The following COL9A1 variants were observed in gnomAD, a reference collection of about 807,000 sequenced individuals.
The protein encoded by COL9A1 is collagen type IX alpha 1 chain.
In COL9A1, 104 loss-of-function variants were observed where a neutral mutation model predicts 142.6. The ratio of observed to expected loss-of-function variants is 0.73; its 90% confidence interval spans 0.62 to 0.86. COL9A1 has a LOEUF of 0.86. Among genes scored for constraint, COL9A1 ranks in the 40% least tolerant of loss-of-function variants. The pLI is 0.00. For synonymous variants in COL9A1, 466 were observed against 396.0 expected, an observed-to-expected ratio of 1.18 and a Z score of -2.10; for missense variants, 1,210 against 1,176.6, an observed-to-expected ratio of 1.03 and a Z score of -0.42.
At chr6:70,301,708 A>C (rs1774070491) in intron 2 of COL9A1, among the ~76,000 whole-genome samples, 1 of 152,182 alleles carries the variant, frequency 6.6e-6, no homozygotes, top group South Asian at 2.1e-4. Context: ...TCATTCATCC[A>C]TGTATTCACC....
chr6:70,217,195 G>A lies in COL9A1; in HGVS notation c.2582-114C>T, dbSNP rs1200569. 694,546 of 922,688 alleles carry A rather than the reference G, an allele frequency of 0.75. 262,330 individuals carry two copies. The highest frequency in any genetic ancestry group is 0.85 in the Admixed American group (43,012 of 50,874). 57.2% of individuals were successfully genotyped at this position (922,688 alleles called of 1,614,324 possible). A position where few individuals can be genotyped will look rare whatever the true frequency, so the allele number is the denominator to read the frequency against. ...AGGGGTTTAACAAACGCTTTTGGAA[G>A]CGATGGATGATGACTGGTGATGATT... On this transcript the variant is annotated intron_variant, in intron 37 of 37. Coordinates refer to ENST00000357250, the MANE Select transcript of COL9A1 (RefSeq NM_001851.6).
intron 28 of COL9A1, among the ~76,000 whole-genome samples, chr6:70,250,022 A>G (rs995084580): frequency 1.3e-5 from 2 of 152,140 alleles, no homozygotes; most frequent in African/African-American, 4.8e-5. Flanking sequence ...GCACTTTGGG[A>G]GGCCAAAAAG....
chr6:70,282,836 TGCGCCCCGACCTGTCCTC>T, intron 7 of COL9A1, 44 bp downstream of exon 7: 1 of 1,612,938 alleles, frequency 6.2e-7, no homozygotes, highest in Non-Finnish European at 8.5e-7. Flanking sequence ...CCTCGACCGC[TGCGCCCCGACCTGTCCTC>T]GTGTGCGCTT....
In COL9A1 at chr6:70,254,994, C is replaced by T. The variant is rs145698301; in HGVS notation, c.1634G>A (p.Arg545His). 156 of 1,614,168 alleles carry T rather than the reference C, an allele frequency of 9.7e-5. No individual in the cohort carries two copies. The highest frequency in any genetic ancestry group is 8.4e-4 in the African/African-American group (63 of 75,040). ...TCCAGGCATTCCAGGGATCCCATCA[C>T]GGCCATCCACACCTGGCAAACCCTA... ...GDTGLPGVDG[R>H]DGIPGMPGTK... is the part of the protein sequence containing the mutation. Residue 545 changes from arginine to histidine, a missense_variant, in exon 24 of 38, where the codon CGT becomes CAT. Physicochemically the swap from Arg to His is conservative, Grantham distance 29. Coordinates refer to ENST00000357250, the MANE Select transcript of COL9A1 (RefSeq NM_001851.6).
intron 37 of COL9A1, 91 bp downstream of exon 37, chr6:70,225,841 A>G: frequency 1.0e-6 from 1 of 969,634 alleles, no homozygotes; most frequent in Non-Finnish European, 1.7e-6. Flanking sequence ...AAGTGATCAA[A>G]TAACAATTAT....
chr6:70,266,568 T>C lies in COL9A1; in HGVS notation c.1341+149A>G, dbSNP rs1347829438. The C allele has an allele frequency of 1.7e-5, 12 of 699,898 alleles. 1 individual carries two copies. Among genetic ancestry groups the C allele is most frequent in the South Asian group, 1.3e-4 (8 of 60,522 alleles). 43.4% of individuals were successfully genotyped at this position (699,898 alleles called of 1,614,324 possible). A position where few individuals can be genotyped will look rare whatever the true frequency, so the allele number is the denominator to read the frequency against. On this transcript the variant is annotated intron_variant, in intron 18 of 37. Transcript: ENST00000357250. ...AATATGATATTTAGTCAAATATTGA[T>C]GCATCTGCTTAGAACTTATCAATCA... is the stretch of plus-strand genomic sequence containing the variant.
Position 70,252,213 on chromosome 6 carries a change from A to G in COL9A1, c.1819-40T>C, listed in dbSNP as rs779166043. 4 of 1,613,662 alleles carry G rather than the reference A, an allele frequency of 2.5e-6. No individual in the cohort carries two copies. In the South Asian group the frequency reaches 3.3e-5, roughly 13 times the overall value. On this transcript the variant is annotated intron_variant, in intron 27 of 37. Coordinates refer to ENST00000357250, the MANE Select transcript of COL9A1 (RefSeq NM_001851.6). ...GAAGGTAGAAAAAAAGTTAACACCT[A>G]CTGATTACAACAGGTTAGAACTTCA... is the stretch of plus-strand genomic sequence containing the variant.
rs1433198294 is a variant in COL9A1 at position 70,216,782 on chromosome 6, T to C, written c.*115A>G. Reference sequence around the variant, plus strand: ...ACTTCTGTAATCATACTGAAGGTAATACATTGTAATCATGCTGAAGGTAAT... The same window carrying C: ...ACTTCTGTAATCATACTGAAGGTAACACATTGTAATCATGCTGAAGGTAAT... On this transcript the variant is annotated 3_prime_UTR_variant, in exon 38 of 38. Transcript: ENST00000357250. 2 of 1,037,646 alleles carry C rather than the reference T, an allele frequency of 1.9e-6. No individual in the cohort carries two copies. Among genetic ancestry groups the C allele is most frequent in the Non-Finnish European group, 3.0e-6 (2 of 676,512 alleles). 64.3% of individuals were successfully genotyped at this position (1,037,646 alleles called of 1,614,324 possible).
chr6:70,234,431 A>T, intron 35 of COL9A1, 108 bp downstream of exon 35: 1 of 1,125,638 alleles, frequency 8.9e-7, no homozygotes, highest in Non-Finnish European at 1.3e-6. Flanking sequence ...TCCTATCTTT[A>T]AGGCACACAA....
intron 23 of COL9A1, 36 bp from the exon 24 acceptor site, chr6:70,255,052 C>A (rs1771190180): frequency 6.2e-7 from 1 of 1,612,826 alleles, no homozygotes; most frequent in Non-Finnish European, 8.5e-7. Context: ...GTCTCTTACA[C>A]ACAGTCACAT....
intron 29 of COL9A1, chr6:70,242,241 A>C (rs1284454507): frequency 1.6e-6 from 1 of 631,224 alleles, no homozygotes; most frequent in African/African-American, 1.8e-5. Context: ...CTCCACCCTA[A>C]GGTCCTCAGT....
chr6:70,257,195 G>A (rs1320885444), intron 20 of COL9A1, among the ~76,000 whole-genome samples: 2 of 151,818 alleles, frequency 1.3e-5, no homozygotes, highest in African/African-American at 4.8e-5. Context: ...TGAGTAGCTG[G>A]GACTACAGGC....
intron 5 of COL9A1, among the ~76,000 whole-genome samples, chr6:70,285,868 A>C (rs1773432796): frequency 6.6e-6 from 1 of 152,074 alleles, no homozygotes; most frequent in Non-Finnish European, 1.5e-5. Context: ...GGATTATTCA[A>C]TTATTTTCTT....
chr6:70,267,791 G>A (rs1772125066), intron 17 of COL9A1, among the ~76,000 whole-genome samples: 1 of 152,190 alleles, frequency 6.6e-6, no homozygotes, highest in Admixed American at 6.5e-5. Context: ...AATGAAAACT[G>A]TCGGAACTTT....
intron 26 of COL9A1, 100 bp from the exon 27 acceptor site, chr6:70,252,415 T>A: frequency 9.8e-7 from 1 of 1,019,152 alleles, no homozygotes; most frequent in Non-Finnish European, 1.5e-6. Context: ...TGAATAGCAT[T>A]AATTCCCTGC....
intron 4 of COL9A1, among the ~76,000 whole-genome samples, chr6:70,297,041 A>G (rs567948776): frequency 3.3e-4 from 50 of 152,224 alleles, no homozygotes; most frequent in African/African-American, 8.9e-4. Flanking sequence ...TAATGTGTTT[A>G]GGTGACTCTT....
At chr6:70,294,106 T>A in intron 5 of COL9A1, 61 bp downstream of exon 5, 6 of 1,590,340 alleles carry the variant, frequency 3.8e-6, no homozygotes, top group Non-Finnish European at 5.2e-6. Context: ...ATGCTTGAGA[T>A]GTTCATTTTT....
At chr6:70,261,861 C>A (rs1771711783) in intron 19 of COL9A1, among the ~76,000 whole-genome samples, 1 of 152,188 alleles carries the variant, frequency 6.6e-6, no homozygotes, top group Admixed American at 6.5e-5. Context: ...AGAGCTTTTT[C>A]TAAATATTCC....
intron 26 of COL9A1, 58 bp from the exon 27 acceptor site, chr6:70,252,373 T>C: frequency 6.7e-7 from 1 of 1,482,218 alleles, no homozygotes; most frequent in Admixed American, 1.7e-5. Flanking sequence ...TAATCATCAA[T>C]CTGCCTTACC....
Sources: allele counts gnomAD v4.1 joint callset (sites outside exome capture counted in the v4.1 genomes callset), GRCh38; gene constraint gnomAD v4.1.1; transcripts MANE v1.5; gene names NCBI Gene and HGNC (gene_info 2026-07-23, HGNC 2026-07-21).